The following SND1 variants were observed in gnomAD, a reference collection of about 807,000 sequenced individuals.
SND1 encodes the protein staphylococcal nuclease and tudor domain containing 1, also known as staphylococcal nuclease domain-containing protein 1.
A neutral mutation model predicts 121.7 loss-of-function variants in SND1; 38 were observed. The ratio of observed to expected loss-of-function variants is 0.31; its 90% CI spans 0.24 to 0.41. SND1 has a LOEUF of 0.41. Among genes scored for constraint, SND1 ranks in the 10% least tolerant of loss-of-function variants. The pLI is 1.00. For missense variants in SND1, 868 were observed against 1,184.6 expected (o/e 0.73, Z 3.92); for synonymous variants, 401 against 447.4 (o/e 0.90, Z 1.31).
chr7:127,701,451 T>A, intron 5 of SND1, 128 bp downstream of exon 5: 1 of 986,220 alleles, frequency 1.0e-6, no homozygotes, highest in Non-Finnish European at 1.5e-6. Context: ...GGGAAATCCT[T>A]AAGGTTAAAA....
intron 15 of SND1, among the ~76,000 whole-genome samples, chr7:127,936,694 C>T (rs1369311943): frequency 6.6e-6 from 1 of 151,924 alleles, no homozygotes; most frequent in East Asian, 1.9e-4. Context: ...CAGGTGCATG[C>T]CACCACACCT....
chr7:127,810,280 A>G, intron 11 of SND1, among the ~76,000 whole-genome samples: 1 of 152,228 alleles, frequency 6.6e-6, no homozygotes, highest in East Asian at 1.9e-4. Context: ...AGCTTTCAGA[A>G]GATGAGTATG....
At chr7:127,697,461 G>A (rs919234330) in intron 3 of SND1, among the ~76,000 whole-genome samples, 3 of 152,134 alleles carry the variant, frequency 2.0e-5, no homozygotes, top group Non-Finnish European at 4.4e-5. Flanking sequence ...GTTTGTACCT[G>A]GGCTTCGTTC....
chr7:127,735,332 G>A (rs1796756607), intron 10 of SND1, among the ~76,000 whole-genome samples: 2 of 152,120 alleles, frequency 1.3e-5, no homozygotes, highest in Non-Finnish European at 2.9e-5. Context: ...CTTTGTTACT[G>A]TAACACGTGC....
At chr7:127,682,028 T>C (rs1795735622) in intron 1 of SND1, among the ~76,000 whole-genome samples, 2 of 152,240 alleles carry the variant, frequency 1.3e-5, no homozygotes, top group South Asian at 4.1e-4. Flanking sequence ...ATTGGCTTCA[T>C]TGACATACAA....
chr7:127,660,700 A>T (rs1795293354), intron 1 of SND1, among the ~76,000 whole-genome samples: 1 of 152,148 alleles, frequency 6.6e-6, no homozygotes, highest in Non-Finnish European at 1.5e-5. Context: ...TGGATTAGGG[A>T]TGTTCAACCT....
At chr7:127,813,725 C>T (rs1466672039) in intron 11 of SND1, among the ~76,000 whole-genome samples, 1 of 152,098 alleles carries the variant, frequency 6.6e-6, no homozygotes, top group African/African-American at 2.4e-5. Flanking sequence ...CCACACCTGG[C>T]TAATTTTTTA....
intron 16 of SND1, chr7:128,028,595 A>G: frequency 7.6e-7 from 1 of 1,308,154 alleles, no homozygotes; most frequent in Non-Finnish European, 1.1e-6. Context: ...CATATACAAG[A>G]AAAAGTCTCT....
intron 10 of SND1, among the ~76,000 whole-genome samples, chr7:127,737,678 C>CGGATTTT (rs1466633136): frequency 2.0e-5 from 3 of 152,200 alleles, no homozygotes; most frequent in Admixed American, 1.3e-4. Context: ...AGAAGTGATT[C>CGGATTTT]GGATTTTGGA....
chr7:127,692,779 A>AT (rs1244658144), intron 2 of SND1, among the ~76,000 whole-genome samples: 2 of 152,230 alleles, frequency 1.3e-5, no homozygotes, highest in African/African-American at 4.8e-5. Flanking sequence ...ACGGTTAGGC[A>AT]TATGTCCTTT....
intron 1 of SND1, among the ~76,000 whole-genome samples, chr7:127,653,175 T>C (rs922313702): frequency 1.3e-5 from 2 of 152,242 alleles, no homozygotes; most frequent in Non-Finnish European, 2.9e-5. Flanking sequence ...CATAGCACTA[T>C]AGATTCTGCC....
At chr7:128,073,766 G>A (rs1340571689) in intron 16 of SND1, among the ~76,000 whole-genome samples, 4 of 152,302 alleles carry the variant, frequency 2.6e-5, no homozygotes, top group East Asian at 3.9e-4. Flanking sequence ...CAGCTACCAC[G>A]AGGGCCACGA....
At chr7:128,025,402 G>A (rs889424874) in intron 16 of SND1, among the ~76,000 whole-genome samples, 2 of 152,126 alleles carry the variant, frequency 1.3e-5, no homozygotes, top group East Asian at 1.9e-4. Context: ...CAGTTTCTTT[G>A]ACTGTAAAAT....
At chr7:127,678,590 G>A (rs954322002) in intron 1 of SND1, among the ~76,000 whole-genome samples, 21 of 152,042 alleles carry the variant, frequency 1.4e-4, no homozygotes, top group Admixed American at 3.3e-4. Flanking sequence ...AAACACATAC[G>A]CACACACACA....
intron 15 of SND1, 55 bp downstream of exon 15, chr7:127,929,384 A>G: frequency 6.3e-7 from 1 of 1,575,874 alleles, no homozygotes; most frequent in East Asian, 2.2e-5. Context: ...CCTGGAAACC[A>G]CATACCCTCC....
At chr7:127,839,942 A>C (rs1798933190) in intron 11 of SND1, among the ~76,000 whole-genome samples, 1 of 152,208 alleles carries the variant, frequency 6.6e-6, no homozygotes, top group South Asian at 2.1e-4. Context: ...AAAACAGCAG[A>C]ATGATCAACA....
chr7:127,672,407 C>G (rs552297222), intron 1 of SND1, among the ~76,000 whole-genome samples: 1 of 151,734 alleles, frequency 6.6e-6, no homozygotes, highest in Non-Finnish European at 1.5e-5. Flanking sequence ...GTCAGGAGTT[C>G]GAGACCAACC....
chr7:127,790,040 T>C (rs933331860), intron 10 of SND1, among the ~76,000 whole-genome samples: 3 of 152,250 alleles, frequency 2.0e-5, no homozygotes, highest in Non-Finnish European at 4.4e-5. Flanking sequence ...GTTTGTTTGT[T>C]TGTTTTTCTT....
At chr7:127,749,870 GC>G (rs762082247) in intron 10 of SND1, among the ~76,000 whole-genome samples, 5 of 152,160 alleles carry the variant, frequency 3.3e-5, no homozygotes, top group African/African-American at 4.8e-5. Context: ...AATTTGGGAG[GC>G]CAAGATGGGA....
Sources: allele counts gnomAD v4.1 joint callset (sites outside exome capture counted in the v4.1 genomes callset), GRCh38; gene constraint gnomAD v4.1.1; transcripts MANE v1.5; gene names NCBI Gene and HGNC (gene_info 2026-07-23, HGNC 2026-07-21).